SCFD2: variants seen among roughly 807,000 people sequenced by gnomAD.
SCFD2 encodes sec1 family domain-containing protein 2.
SCFD2 carries 54 observed loss-of-function variants against 58.9 expected under a neutral mutation model. That is an observed-to-expected ratio of 0.92 (90% confidence interval 0.74 to 1.15). The LOEUF (loss-of-function observed/expected upper bound fraction) is 1.15, where lower values mean the gene tolerates loss of function less well. SCFD2 is among the 50% of genes most tolerant of loss of function. The pLI, the probability that SCFD2 is intolerant of heterozygous loss-of-function variation, is 0.00. For missense variants in SCFD2, 805 were observed against 836.6 expected (o/e 0.96, Z 0.47); for synonymous variants, 321 against 335.9 (o/e 0.96, Z 0.49).
rs138098606 is a variant in SCFD2 at position 53,218,643 on chromosome 4, G to A, written c.1311+55183C>T. ...GTCTGAAGCCTTCTTCTCTCAACTC[G>A]TCAAAGACATTCTCCGTCCAGCTTT... On this transcript the variant is annotated intron_variant, in intron 4 of 8. Coordinates refer to ENST00000401642, the MANE Select transcript of SCFD2 (RefSeq NM_152540.4). Among the ~76,000 whole-genome samples the A allele has an allele frequency of 7.4e-3, 1,125 of 152,262 alleles. 7 individuals carry two copies. Among genetic ancestry groups the A allele is most frequent in the African/African-American group, 0.026 (1,067 of 41,546 alleles).
intron 5 of SCFD2, among the ~76,000 whole-genome samples, chr4:53,016,968 C>T (rs1014446080): frequency 1.2e-4 from 19 of 152,078 alleles, no homozygotes; most frequent in Admixed American, 9.2e-4. Flanking sequence ...ATTAGCCAGG[C>T]GTGGTGGTGC....
chr4:53,213,414 C>T (rs1232734173), intron 4 of SCFD2, among the ~76,000 whole-genome samples: 1 of 152,018 alleles, frequency 6.6e-6, no homozygotes, highest in Non-Finnish European at 1.5e-5. Flanking sequence ...AGGGACCTGA[C>T]CTTTGATACA....
intron 2 of SCFD2, among the ~76,000 whole-genome samples, chr4:53,315,269 C>CAAGAAAGAT (rs1023196608): frequency 6.2e-5 from 9 of 144,064 alleles, no homozygotes; most frequent in Admixed American, 2.7e-4. Flanking sequence ...AAAAAGCCTT[C>CAAGAAAGAT]AAGAAAGATA....
At chr4:53,016,995 C>T (rs1722228902) in intron 5 of SCFD2, among the ~76,000 whole-genome samples, 1 of 152,136 alleles carries the variant, frequency 6.6e-6, no homozygotes, top group African/African-American at 2.4e-5. Context: ...ATAATCGCAG[C>T]TACTTGGGAG....
At position 53,233,779 on chromosome 4, in the gene SCFD2, C is replaced by T. The variant is rs78760471; in HGVS notation, c.1311+40047G>A. Among the ~76,000 whole-genome samples the T allele has an allele frequency of 8.6e-3, 1,310 of 152,212 alleles. 19 individuals are homozygous for T. The highest frequency in any genetic ancestry group is 0.03 in the African/African-American group (1,234 of 41,536). ...TTAATGTGATAAGGGAGAAGAACTA[C>T]ATTAAAATAACTATTCTGCAAGAAG... On this transcript the variant is annotated intron_variant, in intron 4 of 8. Coordinates refer to ENST00000401642, the MANE Select transcript of SCFD2 (RefSeq NM_152540.4).
intron 4 of SCFD2, among the ~76,000 whole-genome samples, chr4:53,230,246 A>C (rs1729389639): frequency 6.6e-6 from 1 of 152,196 alleles, no homozygotes; most frequent in African/African-American, 2.4e-5. Flanking sequence ...TAGAAATACC[A>C]TTTGACCTAG....
At chr4:53,308,498 CTCTT>C (rs1473551723) in intron 3 of SCFD2, among the ~76,000 whole-genome samples, 6 of 152,178 alleles carry the variant, frequency 3.9e-5, no homozygotes, top group Non-Finnish European at 7.3e-5. Context: ...CTCTCTCTCT[CTCTT>C]TCTCTCTCTC....
At position 52,922,255 on chromosome 4, in the gene SCFD2, T is replaced by C. The variant is rs370645059; in HGVS notation, c.1562-1385A>G. 1.2e-4 allele frequency among the ~76,000 whole-genome samples: 19 copies of C among 152,314 alleles called. No individual in the cohort carries two copies. The East Asian group carries it at 3.5e-3, about 28-fold the overall frequency. On this transcript the variant is annotated intron_variant, in intron 5 of 8. Transcript: ENST00000401642. ...AGTATAAAATTCAAAGTTTTTAGCA[T>C]ATTCTGAGTTTAACAACCATCATCA...
chr4:53,131,335 G>A (rs1725781367), intron 5 of SCFD2, among the ~76,000 whole-genome samples: 1 of 152,168 alleles, frequency 6.6e-6, no homozygotes, highest in South Asian at 2.1e-4. Context: ...GAAGGCCATG[G>A]GCCAATGGGT....
At chr4:53,339,579 G>A (rs547530810) in intron 2 of SCFD2, among the ~76,000 whole-genome samples, 1 of 152,088 alleles carries the variant, frequency 6.6e-6, no homozygotes, top group Non-Finnish European at 1.5e-5. Flanking sequence ...AGAGCAGCCT[G>A]GCCAACATGG....
At chr4:53,106,552 A>T (rs1264689501) in intron 5 of SCFD2, among the ~76,000 whole-genome samples, 1 of 152,190 alleles carries the variant, frequency 6.6e-6, no homozygotes, top group Non-Finnish European at 1.5e-5. Flanking sequence ...TGAAAAACAC[A>T]GAGAACTTCG....
intron 3 of SCFD2, among the ~76,000 whole-genome samples, chr4:53,299,041 T>A (rs1317522658): frequency 2.0e-5 from 3 of 152,204 alleles, no homozygotes; most frequent in Admixed American, 2.0e-4. Context: ...AGAGCGCTTC[T>A]ACTCCTCCAA....
intron 2 of SCFD2, among the ~76,000 whole-genome samples, chr4:53,319,450 C>T (rs1256414077): frequency 6.6e-6 from 1 of 152,088 alleles, no homozygotes; most frequent in African/African-American, 2.4e-5. Context: ...TCTAAATTGC[C>T]TTACAGGTAT....
intron 5 of SCFD2, among the ~76,000 whole-genome samples, chr4:52,962,829 G>A (rs1234096834): frequency 1.3e-5 from 2 of 152,038 alleles, no homozygotes; most frequent in Non-Finnish European, 2.9e-5. Context: ...AAATGAAGTC[G>A]AATCCCTTTT....
intron 6 of SCFD2, among the ~76,000 whole-genome samples, chr4:52,920,080 G>C (rs1425322677): frequency 6.6e-6 from 1 of 152,142 alleles, no homozygotes; most frequent in Non-Finnish European, 1.5e-5. Context: ...AGACTCCCCA[G>C]CCTCAGTGGC....
In SCFD2 at chr4:52,873,134, A is replaced by T. The variant is rs1381677337; in HGVS notation, c.*835T>A. On this transcript the variant is annotated 3_prime_UTR_variant, in exon 9 of 9. Coordinates refer to ENST00000401642, the MANE Select transcript of SCFD2 (RefSeq NM_152540.4). ...GTCTAGGTTTTTCTGCTATGGTCAG[A>T]TGGAAAACTTAAACTTACAGAAAAG... 6.6e-6 allele frequency: 1 copy of T among 152,220 alleles called. No individual in the cohort carries two copies. Among genetic ancestry groups the T allele is most frequent in the African/African-American group, 2.4e-5 (1 of 41,460 alleles). The allele number at this position is 152,220 out of a possible 1,614,324, so 9.4% of individuals were successfully genotyped here.
intron 5 of SCFD2, among the ~76,000 whole-genome samples, chr4:53,061,414 C>A (rs1261415097): frequency 6.6e-6 from 1 of 152,138 alleles, no homozygotes; most frequent in Non-Finnish European, 1.5e-5. Flanking sequence ...GATTTGGACC[C>A]AAGTAGCCTG....
chr4:53,280,850 C>T (rs1731486225), intron 3 of SCFD2, among the ~76,000 whole-genome samples: 1 of 152,106 alleles, frequency 6.6e-6, no homozygotes, highest in Non-Finnish European at 1.5e-5. Context: ...AACTGGCAAA[C>T]AGGAATTATG....
chr4:52,921,901 A>G (rs1719745313), intron 5 of SCFD2, among the ~76,000 whole-genome samples: 1 of 151,974 alleles, frequency 6.6e-6, no homozygotes, highest in Non-Finnish European at 1.5e-5. Flanking sequence ...GGGAGTCAAC[A>G]CTCATAGAAA....
Sources: gnomAD v4.1 joint callset for allele counts (sites outside exome capture counted in the v4.1 genomes callset) on GRCh38, gnomAD v4.1.1 for gene constraint, MANE v1.5 for transcripts, NCBI Gene and HGNC (gene_info 2026-07-23, HGNC 2026-07-21) for gene names.